Variants in EAF2 observed in about 807,000 individuals in gnomAD.
EAF2 encodes ELL associated factor 2.
EAF2 carries 29 observed loss-of-function variants against 29.4 expected under a neutral mutation model. That is an observed-to-expected ratio of 0.99 (90% CI 0.73 to 1.35). EAF2 has a LOEUF of 1.35. EAF2 is among the 40% of genes most tolerant of loss of function. EAF2 has a pLI of 0.00. For synonymous variants in EAF2, 103 were observed against 102.5 expected, an observed-to-expected ratio of 1.00 and a Z score of -0.03; for missense variants, 292 against 312.0, an observed-to-expected ratio of 0.94 and a Z score of 0.48.
chr3:121,880,258 C>G (rs1317303862), intron 5 of EAF2, among the ~76,000 whole-genome samples: 2 of 151,972 alleles, frequency 1.3e-5, no homozygotes, highest in Admixed American at 6.6e-5. Context: ...TCTTCCCTCC[C>G]CAGGCTCCCA....
chr3:121,857,134 T>C lies in EAF2; in HGVS notation c.462T>C (p.Ser154=). 1 of 1,611,694 alleles carries C rather than the reference T, an allele frequency of 6.2e-7. No individual in the cohort carries two copies. The highest frequency in any genetic ancestry group is 1.3e-5 in the African/African-American group (1 of 74,878). ...SPSEDKMSPA[S]PIDDIERELK... is the part of the protein sequence containing the mutation. Reference sequence around the variant, plus strand: ...CTGAAGATAAGATGTCCCCAGCATCTCCAATAGATGATATCGAAAGAGGTA... The same window carrying C: ...CTGAAGATAAGATGTCCCCAGCATCCCCAATAGATGATATCGAAAGAGGTA... Residue 154 remains serine, a synonymous_variant, in exon 4 of 6, where the codon TCT becomes TCC. Coordinates refer to ENST00000273668, the MANE Select transcript of EAF2 (RefSeq NM_018456.6).
chr3:121,851,796 C>T (rs1016206707), intron 2 of EAF2, among the ~76,000 whole-genome samples: 2 of 152,068 alleles, frequency 1.3e-5, no homozygotes, highest in Admixed American at 6.6e-5. Context: ...AGGTGAATGA[C>T]GATTGAAGGT....
intron 5 of EAF2, among the ~76,000 whole-genome samples, chr3:121,878,690 A>G (rs1709143816): frequency 6.6e-6 from 1 of 152,178 alleles, no homozygotes; most frequent in Non-Finnish European, 1.5e-5. Context: ...CACTTAACAT[A>G]ATGACTTCCA....
At position 121,845,766 on chromosome 3, in the gene EAF2, G is replaced by T. The variant is rs567777522; in HGVS notation, c.201+1219G>T. 6.1e-5 allele frequency among the ~76,000 whole-genome samples: 9 copies of T among 148,124 alleles called. No individual in the cohort carries two copies. In the South Asian group the frequency reaches 1.9e-3, roughly 32 times the overall value. On this transcript the variant is annotated intron_variant, in intron 2 of 5. Transcript: ENST00000273668. ...AACTTCAGCTGGAGTTTGAGGAGTGGTTTTAAAAAGAAAGAGACTGTCAGG... is the reference window on the plus strand; with the variant it reads ...AACTTCAGCTGGAGTTTGAGGAGTGTTTTTAAAAAGAAAGAGACTGTCAGG...
chr3:121,842,786 C>T (rs59981478), intron 1 of EAF2, among the ~76,000 whole-genome samples: 1 of 152,114 alleles, frequency 6.6e-6, no homozygotes, highest in Non-Finnish European at 1.5e-5. Flanking sequence ...TTATTTAAAA[C>T]TTATTTCCCT....
chr3:121,855,266 C>T (rs1191554361), intron 3 of EAF2, among the ~76,000 whole-genome samples: 1 of 152,048 alleles, frequency 6.6e-6, no homozygotes, highest in Non-Finnish European at 1.5e-5. Flanking sequence ...TTTAAAAAGT[C>T]AATAGGAGAA....
At chr3:121,835,422 G>A in intron 1 of EAF2, 31 bp downstream of exon 1, 2 of 1,595,886 alleles carry the variant, frequency 1.3e-6, no homozygotes, top group South Asian at 2.2e-5. Context: ...GATAGAGGGG[G>A]AGCCTCCCGG....
At position 121,886,358 on chromosome 3, in the gene EAF2, G is replaced by C. The variant is rs1482504298; in HGVS notation, c.753G>C (p.Leu251=). 6 of 1,489,800 alleles carry C rather than the reference G, an allele frequency of 4.0e-6. No individual in the cohort carries two copies. The East Asian group carries it at 1.3e-4, about 31-fold the overall frequency. 92.3% of individuals were successfully genotyped at this position (1,489,800 alleles called of 1,614,324 possible). Residue 251 remains leucine (L), a synonymous_variant, in exon 6 of 6, where the codon CTG becomes CTC. Coordinates refer to ENST00000273668, the MANE Select transcript of EAF2 (RefSeq NM_018456.6). ...LMNTLRNDLQ[L]SESGSDSDD is the part of the protein sequence containing the mutation. ...TTATTTTAGGAAATGATTTGCAGCT[G>C]AGTGAATCAGGAAGTGACAGTGATG...
rs187026179 is a variant in EAF2, at chr3:121,884,217, G to A, written c.737-2125G>A. On this transcript the variant is annotated intron_variant, in intron 5 of 5. Coordinates refer to ENST00000273668, the MANE Select transcript of EAF2 (RefSeq NM_018456.6). ...TAGCCAGGCATGGTGGCGCATGCCT[G>A]TAATCCCAGCTACTCGGGAGGCTGA... is the stretch of plus-strand genomic sequence containing the variant. 2.2e-4 allele frequency among the ~76,000 whole-genome samples: 34 copies of A among 151,340 alleles called. 1 individual carries two copies. The East Asian group carries it at 6.2e-3, about 28-fold the overall frequency.
chr3:121,859,762 G>A (rs968404659), intron 4 of EAF2, among the ~76,000 whole-genome samples: 8 of 152,156 alleles, frequency 5.3e-5, no homozygotes, highest in Admixed American at 4.6e-4. Context: ...TTTTCAAAGG[G>A]AATGCTTCCA....
chr3:121,874,445 A>G (rs183782987), intron 5 of EAF2, among the ~76,000 whole-genome samples: 1 of 151,970 alleles, frequency 6.6e-6, no homozygotes, highest in African/African-American at 2.4e-5. Flanking sequence ...GAATCTGAGT[A>G]AAAGCTAGAA....
At chr3:121,877,475 A>G (rs1183705901) in intron 5 of EAF2, among the ~76,000 whole-genome samples, 1 of 152,076 alleles carries the variant, frequency 6.6e-6, no homozygotes, top group East Asian at 1.9e-4. Flanking sequence ...GACAAAGGCA[A>G]TAACAGATTT....
At chr3:121,881,048 A>T (rs549356468) in intron 5 of EAF2, among the ~76,000 whole-genome samples, 30 of 152,288 alleles carry the variant, frequency 2.0e-4, no homozygotes, top group Admixed American at 9.8e-4. Flanking sequence ...GGGTATGTTG[A>T]ACCATTCTTA....
intron 2 of EAF2, among the ~76,000 whole-genome samples, chr3:121,846,252 A>C (rs552277339): frequency 6.6e-6 from 1 of 152,270 alleles, no homozygotes; most frequent in Middle Eastern, 3.4e-3. Context: ...AGACTGTGTC[A>C]GTTACCGTCT....
chr3:121,886,344 A>G lies in EAF2; in HGVS notation c.739A>G (p.Asn247Asp), dbSNP rs780639509. 1.3e-6 allele frequency: 2 copies of G among 1,484,138 alleles called. No individual in the cohort carries two copies. Among genetic ancestry groups the G allele is most frequent in the Admixed American group, 4.3e-5 (2 of 46,352 alleles). The allele number at this position is 1,484,138 out of a possible 1,614,324, so 91.9% of individuals were successfully genotyped here. A position where few individuals can be genotyped will look rare whatever the true frequency, so the allele number is the denominator to read the frequency against. The change falls in exon 6 of 6, where the codon AAT becomes GAT. Residue 247 changes from asparagine to aspartate, a missense_variant and splice_region_variant. Physicochemically the swap from Asn to Asp is conservative, Grantham distance 23 (BLOSUM62 1). Coordinates refer to ENST00000273668, the MANE Select transcript of EAF2 (RefSeq NM_018456.6). ...TTGTTATTTCTTTCTTATTTTAGGA[A>G]ATGATTTGCAGCTGAGTGAATCAGG... ...NSGLLMNTLR[N>D]DLQLSESGSD...
chr3:121,882,508 G>C (rs765381260), intron 5 of EAF2, among the ~76,000 whole-genome samples: 2 of 151,928 alleles, frequency 1.3e-5, no homozygotes, highest in Non-Finnish European at 2.9e-5. Context: ...TCAGGAACAA[G>C]ACAAAGAGGA....
chr3:121,849,648 G>A (rs1351081350), intron 2 of EAF2, among the ~76,000 whole-genome samples: 2 of 151,972 alleles, frequency 1.3e-5, no homozygotes, highest in Non-Finnish European at 2.9e-5. Flanking sequence ...CTACACTTAT[G>A]AGGCTCCTAT....
chr3:121,881,025 C>T (rs1261217476), intron 5 of EAF2, among the ~76,000 whole-genome samples: 2 of 152,106 alleles, frequency 1.3e-5, no homozygotes, highest in African/African-American at 2.4e-5. Flanking sequence ...TGATATTTCA[C>T]ATTTATTGAT....
In EAF2 at chr3:121,872,788, A is replaced by G; in HGVS notation, c.736A>G (p.Arg246Gly). 1 of 1,608,536 alleles carries G rather than the reference A, an allele frequency of 6.2e-7. No individual in the cohort carries two copies. The change falls in exon 5 of 6, where the codon AGA becomes GGA. Residue 246 changes from arginine (R) to glycine (G), a missense_variant and splice_region_variant. Transcript: ENST00000273668. ...CAGTGGCCTTCTGATGAATACTTTAAGTAAGTATACATAAACACAGGCAAT... is the reference window on the plus strand; with the variant it reads ...CAGTGGCCTTCTGATGAATACTTTAGGTAAGTATACATAAACACAGGCAAT... Reference protein sequence around the residue: ...DNSGLLMNTLRNDLQLSESGS... With the variant: ...DNSGLLMNTLGNDLQLSESGS...
Sources: gnomAD v4.1 joint callset for allele counts (sites outside exome capture counted in the v4.1 genomes callset) on GRCh38, gnomAD v4.1.1 for gene constraint, MANE v1.5 for transcripts, NCBI Gene and HGNC (gene_info 2026-07-23, HGNC 2026-07-21) for gene names.